TTLL3: variants seen among roughly 807,000 people sequenced by gnomAD.
The protein encoded by TTLL3 is tubulin tyrosine ligase like 3, also known as tubulin monoglycylase TTLL3.
A neutral mutation model predicts 75.2 loss-of-function variants in TTLL3; 63 were observed. The observed-to-expected ratio is 0.84, with a 90% CI of 0.68 to 1.03. The LOEUF is 1.03. Ranked by LOEUF, TTLL3 falls within the 50% of genes least tolerant of loss-of-function variation. TTLL3 has a pLI of 0.00. For missense variants in TTLL3, 997 were observed against 1,069.9 expected (o/e 0.93, Z 0.95); for synonymous variants, 393 against 418.5 (o/e 0.94, Z 0.74).
At chr3:9,814,144 AC>A (rs1159085096) in intron 4 of TTLL3, among the ~76,000 whole-genome samples, 1 of 151,774 alleles carries the variant, frequency 6.6e-6, no homozygotes, top group Non-Finnish European at 1.5e-5. Context: ...TACTAAAAAA[AC>A]AAACAAATAA....
Position 9,810,435 on chromosome 3 carries a change from T to A in TTLL3, c.-42+41T>A. On this transcript the variant is annotated intron_variant, in intron 1 of 13. Coordinates refer to ENST00000685419, the MANE Select transcript of TTLL3 (RefSeq NM_001387446.1). This position sits in a 1 kb window ranked among gnomAD's most constrained non-coding sequence, Gnocchi z 4.4. Reference sequence around the variant, plus strand: ...CCCGCTCGCTCTGGCCTACAGCGGCTGCGAGGACGACAAGACGCTGGGGTG... The same window carrying A: ...CCCGCTCGCTCTGGCCTACAGCGGCAGCGAGGACGACAAGACGCTGGGGTG... 7.0e-7 allele frequency: 1 copy of A among 1,425,248 alleles called. No individual in the cohort carries two copies. Among genetic ancestry groups the A allele is most frequent in the South Asian group, 1.5e-5 (1 of 66,802 alleles). The allele number at this position is 1,425,248 out of a possible 1,614,324, so 88.3% of individuals were successfully genotyped here. A position where few individuals can be genotyped will look rare whatever the true frequency, so the allele number is the denominator to read the frequency against.
At chr3:9,812,684 A>G (rs2079467759) in intron 2 of TTLL3, 2 of 316,944 alleles carry the variant, frequency 6.3e-6, no homozygotes, top group Non-Finnish European at 1.1e-5. Flanking sequence ...ACAAAACAAA[A>G]TAAAAACACA....
chr3:9,826,413 G>A (rs573197387), intron 9 of TTLL3, among the ~76,000 whole-genome samples: 10 of 152,224 alleles, frequency 6.6e-5, no homozygotes, highest in African/African-American at 2.2e-4. Flanking sequence ...TGGTAGGAAC[G>A]TAATAGGTGC....
chr3:9,825,826 A>T lies in TTLL3; in HGVS notation c.881A>T (p.Asp294Val). 6.2e-7 allele frequency: 1 copy of T among 1,614,156 alleles called. No homozygotes were observed. Among genetic ancestry groups the T allele is most frequent in the East Asian group, 2.2e-5 (1 of 44,888 alleles). ...GAAGGGGCAGAACTCAGGCACCTCGACACTCAGGTCCAGCGCTGTGAGGAC... is the reference window on the plus strand; with the variant it reads ...GAAGGGGCAGAACTCAGGCACCTCGTCACTCAGGTCCAGCGCTGTGAGGAC... ...VHEGAELRHL[D>V]TQVQRCEDIL... Residue 294 changes from aspartate to valine, a missense_variant, in exon 9 of 14, where the codon GAC (aspartate) becomes GTC (valine). Physicochemically the swap from Asp to Val is radical, Grantham distance 152. Transcript: ENST00000685419.
Position 9,810,325 on chromosome 3 carries a change from C to G in TTLL3, c.-111C>G. 1 of 1,465,436 alleles carries G rather than the reference C, an allele frequency of 6.8e-7. No individual in the cohort carries two copies. The allele number at this position is 1,465,436 out of a possible 1,614,324, so 90.8% of individuals were successfully genotyped here. On this transcript the variant is annotated 5_prime_UTR_variant, in exon 1 of 14. Coordinates refer to ENST00000685419, the MANE Select transcript of TTLL3 (RefSeq NM_001387446.1). This position sits in a 1 kb window ranked among gnomAD's most constrained non-coding sequence, Gnocchi z 4.4. ...GACGCTGGTCCCAGGCACCCACGCC[C>G]AGGGCGCCTCGGATACCCACCCCCT...
At chr3:9,817,873 A>AG in intron 6 of TTLL3, 114 bp downstream of exon 6, 1 of 1,362,052 alleles carries the variant, frequency 7.3e-7, no homozygotes, top group Non-Finnish European at 1.0e-6. Flanking sequence ...TGCCTGCCCC[A>AG]GCAGATTTCC....
In TTLL3 at chr3:9,836,162, G is replaced by A. The variant is rs1023453474; in HGVS notation, c.*673G>A. 6.6e-6 allele frequency: 1 copy of A among 152,228 alleles called. No individual in the cohort carries two copies. The highest frequency in any genetic ancestry group is 2.4e-5 in the African/African-American group (1 of 41,412). 9.4% of individuals were successfully genotyped at this position (152,228 alleles called of 1,614,324 possible). A position where few individuals can be genotyped will look rare whatever the true frequency, so the allele number is the denominator to read the frequency against. On this transcript the variant is annotated 3_prime_UTR_variant, in exon 14 of 14. Transcript: ENST00000685419. ...TTTCTACAGAAAATTAGCTGGGTGT[G>A]GTGGCACACACCTGTAGTCCTAGCT...
chr3:9,829,140 C>G lies in TTLL3; in HGVS notation c.1428C>G (p.Ile476Met). The G allele has an allele frequency of 6.2e-7, 1 of 1,614,234 alleles. No individual in the cohort carries two copies. ...TGCCTGGCATGAAGGATGCTGTGAT[C>G]CACGCACTTCAGACCTCCCAGGACA... ...IIVPGMKDAVIHALQTSQDTV... is the reference protein window; with the variant it reads ...IIVPGMKDAVMHALQTSQDTV... Residue 476 changes from isoleucine (I) to methionine (M), a missense_variant, in exon 11 of 14, where the codon ATC becomes ATG. Transcript: ENST00000685419.
chr3:9,822,206 C>T (rs1415351150), intron 8 of TTLL3, among the ~76,000 whole-genome samples: 1 of 150,392 alleles, frequency 6.6e-6, no homozygotes, highest in Non-Finnish European at 1.5e-5. Flanking sequence ...GCTGGGATTA[C>T]AGGCGCCCAC....
chr3:9,814,831 A>T (rs897872815), intron 4 of TTLL3, among the ~76,000 whole-genome samples: 1 of 152,050 alleles, frequency 6.6e-6, no homozygotes, highest in African/African-American at 2.4e-5. Context: ...ATCTGAAAAT[A>T]AAGAAAAAAG....
chr3:9,815,972 C>A, intron 4 of TTLL3, 102 bp from the exon 5 acceptor site: 1 of 1,156,992 alleles, frequency 8.6e-7, no homozygotes, highest in Non-Finnish European at 1.1e-6. Flanking sequence ...AGCATCCTCT[C>A]CTTCCTGTTC....
chr3:9,821,065 T>C (rs939619830), intron 8 of TTLL3: 11 of 304,642 alleles, frequency 3.6e-5, no homozygotes, highest in African/African-American at 1.9e-4. Context: ...CCATCACATT[T>C]GGAAAACACT....
At chr3:9,821,154 C>T (rs912119712) in intron 8 of TTLL3, 3 of 166,974 alleles carry the variant, frequency 1.8e-5, no homozygotes, top group Non-Finnish European at 2.6e-5. Flanking sequence ...AGAGAGAGTG[C>T]GCTGCTTATC....
In TTLL3 at chr3:9,818,815, G is replaced by A. The variant is rs1445976990; in HGVS notation, c.560-7G>A. On this transcript the variant is annotated splice_region_variant and splice_polypyrimidine_tract_variant and intron_variant, in intron 6 of 13. Transcript: ENST00000685419. Reference sequence around the variant, plus strand: ...GCTGAGCAGGGTATCCCCTGGCCTGGGAGCAGAGGACTTCTGGCTGACTGC... The same window carrying A: ...GCTGAGCAGGGTATCCCCTGGCCTGAGAGCAGAGGACTTCTGGCTGACTGC... 1 of 1,614,080 alleles carries A rather than the reference G, an allele frequency of 6.2e-7. No individual in the cohort carries two copies. The highest frequency in any genetic ancestry group is 1.1e-5 in the South Asian group (1 of 91,082).
intron 6 of TTLL3, chr3:9,818,242 A>C: frequency 6.0e-6 from 1 of 167,528 alleles, no homozygotes; most frequent in East Asian, 1.7e-4. Flanking sequence ...AGGACAGAAT[A>C]AGTATCAAAA....
intron 11 of TTLL3, among the ~76,000 whole-genome samples, chr3:9,831,800 T>A (rs1209054865): frequency 1.3e-5 from 2 of 148,700 alleles, no homozygotes; most frequent in Non-Finnish European, 3.0e-5. Flanking sequence ...TATTTGATTT[T>A]TTTTTTTTTT....
intron 4 of TTLL3, among the ~76,000 whole-genome samples, chr3:9,815,666 G>A (rs892243718): frequency 6.6e-6 from 1 of 152,222 alleles, no homozygotes; most frequent in Non-Finnish European, 1.5e-5. Flanking sequence ...ACCCTTAGGG[G>A]CCCTGCCCCC....
chr3:9,828,927 G>A (rs756319815), intron 10 of TTLL3, 33 bp from the exon 11 acceptor site: 6 of 1,610,034 alleles, frequency 3.7e-6, no homozygotes, highest in Non-Finnish European at 5.1e-6. Flanking sequence ...AGACACAAGG[G>A]CCTGGACCTC....
rs780853528 is a variant in TTLL3 at position 9,810,509 on chromosome 3, G to A, written c.-41-112G>A. On this transcript the variant is annotated intron_variant, in intron 1 of 13. Transcript: ENST00000685419. This position sits in a 1 kb window ranked among gnomAD's most constrained non-coding sequence, Gnocchi z 4.4. ...AGCGGCTGAGGGTGGGCATCTGGAT[G>A]AAGGCAGGAGGAAGAAAAGAGGCGT... The A allele has an allele frequency of 6.8e-7, 1 of 1,462,214 alleles. No homozygotes were observed. The highest frequency in any genetic ancestry group is 9.0e-7 in the Non-Finnish European group (1 of 1,105,386). 90.6% of individuals were successfully genotyped at this position (1,462,214 alleles called of 1,614,324 possible). A position where few individuals can be genotyped will look rare whatever the true frequency, so the allele number is the denominator to read the frequency against.
Sources: gnomAD v4.1 joint callset for allele counts (sites outside exome capture counted in the v4.1 genomes callset) on GRCh38, gnomAD v4.1.1 for gene constraint, Gnocchi (gnomAD v3.1) non-coding constraint, MANE v1.5 for transcripts, NCBI Gene and HGNC (gene_info 2026-07-23, HGNC 2026-07-21) for gene names.